PDE10A: variants seen among roughly 807,000 people sequenced by gnomAD.
The protein encoded by PDE10A is cAMP and cAMP-inhibited cGMP 3',5'-cyclic phosphodiesterase 10A.
In PDE10A, 39 loss-of-function variants were observed where a neutral mutation model predicts 97.7. The ratio of observed to expected loss-of-function variants is 0.40; its 90% CI spans 0.31 to 0.52. PDE10A has a LOEUF of 0.52. Among genes scored for constraint, PDE10A ranks in the 20% least tolerant of loss-of-function variants. The pLI is 0.56. For missense variants in PDE10A, 731 were observed against 1,047.8 expected (o/e 0.70, Z 4.17); for synonymous variants, 371 against 376.8 (o/e 0.98, Z 0.18).
intron 1 of PDE10A, among the ~76,000 whole-genome samples, chr6:165,652,563 A>G (rs150034940): frequency 6.6e-6 from 1 of 152,256 alleles, no homozygotes; most frequent in Non-Finnish European, 1.5e-5. Flanking sequence ...CACAAATTAC[A>G]TCCTATACAA....
chr6:165,835,959 T>A (rs1250262961), intron 1 of PDE10A, among the ~76,000 whole-genome samples: 1 of 152,234 alleles, frequency 6.6e-6, no homozygotes, highest in Non-Finnish European at 1.5e-5. Flanking sequence ...TTGGACAAGC[T>A]GCTGTCTCCC....
At chr6:165,551,822 A>G (rs1045570292) in intron 1 of PDE10A, among the ~76,000 whole-genome samples, 22 of 152,226 alleles carry the variant, frequency 1.4e-4, no homozygotes, top group African/African-American at 5.3e-4. Flanking sequence ...AAAGAGGTGG[A>G]AAGAAATCTT....
chr6:165,460,471 T>A (rs983429754), intron 3 of PDE10A, among the ~76,000 whole-genome samples: 1 of 152,184 alleles, frequency 6.6e-6, no homozygotes, highest in African/African-American at 2.4e-5. Flanking sequence ...AAGCAGCTTA[T>A]TGGGTAAATC....
chr6:165,732,003 T>TA (rs773696535), intron 1 of PDE10A, among the ~76,000 whole-genome samples: 5 of 152,176 alleles, frequency 3.3e-5, no homozygotes, highest in African/African-American at 4.8e-5. Context: ...ATAAGAAAAT[T>TA]ACGAGTGTAC....
At chr6:165,446,724 C>G (rs1006334468) in intron 5 of PDE10A, among the ~76,000 whole-genome samples, 1 of 152,130 alleles carries the variant, frequency 6.6e-6, no homozygotes, top group Non-Finnish European at 1.5e-5. Context: ...TGGGATCTGA[C>G]TTGGGAAGCT....
intron 2 of PDE10A, among the ~76,000 whole-genome samples, chr6:165,489,080 A>C (rs182858445): frequency 1.5e-3 from 224 of 152,216 alleles, no homozygotes; most frequent in Non-Finnish European, 2.5e-3. Context: ...TTGTCTTCTC[A>C]CTATACAACC....
chr6:165,378,267 T>A (rs1784732783), intron 18 of PDE10A, among the ~76,000 whole-genome samples: 1 of 152,188 alleles, frequency 6.6e-6, no homozygotes, highest in Non-Finnish European at 1.5e-5. Context: ...CAGTACTTAA[T>A]GAATCACAGA....
At chr6:165,861,257 T>C (rs564882634) in intron 1 of PDE10A, among the ~76,000 whole-genome samples, 2 of 152,318 alleles carry the variant, frequency 1.3e-5, no homozygotes, top group Admixed American at 1.3e-4. Context: ...TCAATATCTA[T>C]TGAGTGTCTG....
intron 1 of PDE10A, among the ~76,000 whole-genome samples, chr6:165,751,036 G>A (rs1005459626): frequency 6.6e-6 from 1 of 152,176 alleles, no homozygotes; most frequent in East Asian, 1.9e-4. Flanking sequence ...CACAGCAGGA[G>A]CTCATGGGCA....
chr6:165,346,995 T>C (rs1782356669), intron 18 of PDE10A, among the ~76,000 whole-genome samples: 1 of 152,196 alleles, frequency 6.6e-6, no homozygotes, highest in Non-Finnish European at 1.5e-5. Flanking sequence ...AGCTGTCATC[T>C]AGCCTCATTT....
At chr6:165,725,984 C>T (rs1406992766) in intron 1 of PDE10A, among the ~76,000 whole-genome samples, 1 of 152,212 alleles carries the variant, frequency 6.6e-6, no homozygotes, top group East Asian at 1.9e-4. Context: ...TCAATTGGCA[C>T]TACCCATGTT....
intron 18 of PDE10A, among the ~76,000 whole-genome samples, chr6:165,359,278 T>G (rs573377457): frequency 6.6e-6 from 1 of 152,306 alleles, no homozygotes; most frequent in South Asian, 2.1e-4. Flanking sequence ...TGTCATGTTA[T>G]TCCTGTCTGC....
intron 1 of PDE10A, among the ~76,000 whole-genome samples, chr6:165,574,414 C>A (rs1257681372): frequency 6.6e-6 from 1 of 152,182 alleles, no homozygotes; most frequent in African/African-American, 2.4e-5. Context: ...GTTCCACCCA[C>A]TCAGGTGAGT....
intron 1 of PDE10A, among the ~76,000 whole-genome samples, chr6:165,718,009 A>C (rs1344848380): frequency 6.6e-6 from 1 of 152,242 alleles, no homozygotes; most frequent in Non-Finnish European, 1.5e-5. Flanking sequence ...CTTATCAGTT[A>C]TATGACTCAT....
chr6:165,709,096 G>A (rs568001250), intron 1 of PDE10A, among the ~76,000 whole-genome samples: 1 of 122,384 alleles, frequency 8.2e-6, no homozygotes, highest in African/African-American at 3.2e-5. Context: ...CCACCCACAT[G>A]CTGCCGTGCT....
chr6:165,581,761 G>C (rs968876298), intron 1 of PDE10A, among the ~76,000 whole-genome samples: 1 of 152,146 alleles, frequency 6.6e-6, no homozygotes, highest in African/African-American at 2.4e-5. Context: ...ATCCTACTTG[G>C]ACTGGGGATT....
At chr6:165,529,796 T>C (rs1218372620) in intron 2 of PDE10A, among the ~76,000 whole-genome samples, 2 of 152,174 alleles carry the variant, frequency 1.3e-5, no homozygotes, top group Non-Finnish European at 2.9e-5. Flanking sequence ...TAGGCGTAAT[T>C]ATGACTTTAT....
At chr6:165,425,789 G>GTGTGTGTA (rs1308523908) in intron 10 of PDE10A, among the ~76,000 whole-genome samples, 1 of 151,748 alleles carries the variant, frequency 6.6e-6, no homozygotes, top group Admixed American at 6.6e-5. Flanking sequence ...GTGTGTGTGT[G>GTGTGTGTA]TGTGTGTGTG....
chr6:165,422,803 A>C (rs220814), intron 10 of PDE10A, among the ~76,000 whole-genome samples: 1 of 151,978 alleles, frequency 6.6e-6, no homozygotes, highest in Non-Finnish European at 1.5e-5. Flanking sequence ...AAACTATACT[A>C]AAACTGTAAC....
Sources: gnomAD v4.1 joint callset for allele counts (sites outside exome capture counted in the v4.1 genomes callset) on GRCh38, gnomAD v4.1.1 for gene constraint, MANE v1.5 for transcripts, NCBI Gene and HGNC (gene_info 2026-07-23, HGNC 2026-07-21) for gene names.